The following TRIM72 variants were observed in gnomAD, a reference collection of about 807,000 sequenced individuals.
TRIM72 encodes the protein tripartite motif containing 72.
A neutral mutation model predicts 31.6 loss-of-function variants in TRIM72; 33 were observed. That is an observed-to-expected ratio of 1.04 (90% CI 0.79 to 1.40). The LOEUF is 1.40. TRIM72 is among the 40% of genes most tolerant of loss of function. TRIM72 has a pLI of 0.00. For missense variants in TRIM72, 666 were observed against 682.7 expected (o/e 0.98, Z 0.27); for synonymous variants, 301 against 314.4 (o/e 0.96, Z 0.45).
rs1210189535 is a variant in TRIM72, at chr16:31,227,460, C to T, written c.*2705C>T. On this transcript the variant is annotated 3_prime_UTR_variant, in exon 7 of 7. Transcript: ENST00000322122. ...TGCAGTGGTGTGATCACCGTAACCT[C>T]CGCCTCCTAGGTTCAAGGGATTCTC... The T allele has an allele frequency of 6.6e-6, 1 of 150,756 alleles. No individual in the cohort carries two copies. Among genetic ancestry groups the T allele is most frequent in the East Asian group, 2.0e-4 (1 of 5,090 alleles). 9.3% of individuals were successfully genotyped at this position (150,756 alleles called of 1,614,324 possible). A position where few individuals can be genotyped will look rare whatever the true frequency, so the allele number is the denominator to read the frequency against.
intron 5 of TRIM72, 21 bp from the exon 6 acceptor site, chr16:31,222,806 C>T (rs1189956112): frequency 2.5e-6 from 2 of 786,808 alleles, no homozygotes; most frequent in Non-Finnish European, 4.0e-6. Context: ...ACATGCCTCC[C>T]CTTCCCCTCC....
rs67787720 is a variant in TRIM72, at chr16:31,225,189, TC to T, written c.*435del. On this transcript the variant is annotated 3_prime_UTR_variant, in exon 7 of 7. Coordinates refer to ENST00000322122, the MANE Select transcript of TRIM72 (RefSeq NM_001008274.4). ...TGGGTGACAAGAGTGAGACTCTGTC[TC>T]AAAAAAAAAAAAAAGTGTGGGGGTT... is the stretch of plus-strand genomic sequence containing the variant. 0.91 allele frequency: 131,594 copies of T among 145,398 alleles called. 60,679 individuals carry two copies. Among genetic ancestry groups the T allele is most frequent in the East Asian group, 1 (5,003 of 5,026 alleles). The allele number at this position is 145,398 out of a possible 1,614,324, so 9.0% of individuals were successfully genotyped here. A position where few individuals can be genotyped will look rare whatever the true frequency, so the allele number is the denominator to read the frequency against.
At chr16:31,217,244 T>A in intron 2 of TRIM72, 1 of 579,016 alleles carries the variant, frequency 1.7e-6, no homozygotes, top group East Asian at 2.8e-5. Flanking sequence ...CGCCAAATTG[T>A]TGAGGTGGGG....
chr16:31,215,143 C>A lies in TRIM72; in HGVS notation c.390+15C>A. 7.0e-7 allele frequency: 1 copy of A among 1,430,448 alleles called. No homozygotes were observed. Among genetic ancestry groups the A allele is most frequent in the Non-Finnish European group, 9.1e-7 (1 of 1,100,718 alleles). The allele number at this position is 1,430,448 out of a possible 1,614,324, so 88.6% of individuals were successfully genotyped here. A position where few individuals can be genotyped will look rare whatever the true frequency, so the allele number is the denominator to read the frequency against. ...CACGCCTCAAGGTGCGGGATCCGCGCGCATCGTGGTCGGAGGGGCTGTTCG... is the reference window on the plus strand; with the variant it reads ...CACGCCTCAAGGTGCGGGATCCGCGAGCATCGTGGTCGGAGGGGCTGTTCG... On this transcript the variant is annotated intron_variant, in intron 2 of 6. Transcript: ENST00000322122. This position sits in a 1 kb window ranked among gnomAD's most constrained non-coding sequence, Gnocchi z 6.3.
At position 31,219,318 on chromosome 16, in the gene TRIM72, G is replaced by A. The variant is rs150176391; in HGVS notation, c.516G>A (p.Val172=). 1.9e-6 allele frequency: 3 copies of A among 1,614,156 alleles called. No individual in the cohort carries two copies. In the East Asian group the frequency reaches 6.7e-5, roughly 36 times the overall value. The part of the protein sequence containing the change: ...EETVRQFRGA[V]GEQLGKMRVF... Reference sequence around the variant, plus strand: ...CAGTGCGTCAGTTCCGGGGGGCCGTGGGGGAGCAGCTGGGCAAGATGCGGG... The same window carrying A: ...CAGTGCGTCAGTTCCGGGGGGCCGTAGGGGAGCAGCTGGGCAAGATGCGGG... Residue 172 remains valine, a synonymous_variant, in exon 4 of 7, where the codon GTG becomes GTA. Coordinates refer to ENST00000322122, the MANE Select transcript of TRIM72 (RefSeq NM_001008274.4). This position sits in a 1 kb window ranked among gnomAD's most constrained non-coding sequence, Gnocchi z 4.2.
chr16:31,222,955 G>A lies in TRIM72; in HGVS notation c.859+10G>A. 2 of 1,583,916 alleles carry A rather than the reference G, an allele frequency of 1.3e-6. No homozygotes were observed. Among genetic ancestry groups the A allele is most frequent in the Non-Finnish European group, 1.7e-6 (2 of 1,164,852 alleles). ...CGGGCTCTGATGCCAGGTACCGGGAGGGACTGGCTCAGGTTTGTGTGTGAC... is the reference window on the plus strand; with the variant it reads ...CGGGCTCTGATGCCAGGTACCGGGAAGGACTGGCTCAGGTTTGTGTGTGAC... On this transcript the variant is annotated intron_variant, in intron 6 of 6. Coordinates refer to ENST00000322122, the MANE Select transcript of TRIM72 (RefSeq NM_001008274.4).
Position 31,224,681 on chromosome 16 carries a change from G to A in TRIM72, c.1360G>A (p.Asp454Asn), listed in dbSNP as rs768038436. The part of the protein sequence containing the change: ...RLPRPVYPFF[D>N]VCWHDKGKNA... ...GCCCAGGCCCGTGTACCCCTTCTTC[G>A]ACGTGTGCTGGCACGACAAGGGCAA... Residue 454 changes from aspartate to asparagine, a missense_variant, in exon 7 of 7, where the codon GAC becomes AAC. Asp to Asn is a conservative substitution (Grantham distance 23, BLOSUM62 1). Coordinates refer to ENST00000322122, the MANE Select transcript of TRIM72 (RefSeq NM_001008274.4). The A allele has an allele frequency of 2.1e-5, 33 of 1,549,614 alleles. No individual in the cohort carries two copies. The South Asian group carries it at 3.8e-4, about 18-fold the overall frequency.
In TRIM72 at chr16:31,214,826, G is replaced by T. The variant is rs2079499264; in HGVS notation, c.88G>T (p.Gly30Cys). The change falls in exon 2 of 7, where the codon GGC becomes TGC. Residue 30 changes from glycine to cysteine, a missense_variant. Physicochemically the swap from Gly to Cys is radical, Grantham distance 159. Transcript: ENST00000322122. ...CGACGCGCCCGTGACAGCCGAGTGC[G>T]GCCACAGTTTCTGCCGCGCCTGCCT... ...LFDAPVTAECGHSFCRACLGR... is the reference protein window; with the variant it reads ...LFDAPVTAECCHSFCRACLGR... 7 of 1,562,678 alleles carry T rather than the reference G, an allele frequency of 4.5e-6. No individual in the cohort carries two copies. The highest frequency in any genetic ancestry group is 1.4e-5 in the African/African-American group (1 of 72,156).
chr16:31,223,683 C>T (rs2079543161), intron 6 of TRIM72, among the ~76,000 whole-genome samples: 1 of 152,056 alleles, frequency 6.6e-6, no homozygotes, highest in Admixed American at 6.6e-5. Context: ...GTGGGAGGAT[C>T]ACTTGAGCCC....
chr16:31,220,579 G>A (rs1349749071), intron 4 of TRIM72, among the ~76,000 whole-genome samples: 2 of 133,820 alleles, frequency 1.5e-5, no homozygotes, highest in South Asian at 2.3e-4. Context: ...AGTGATTTTC[G>A]TGGCTCAGCC....
intron 5 of TRIM72, among the ~76,000 whole-genome samples, chr16:31,222,482 C>CT (rs3060409): frequency 1.1e-4 from 13 of 117,962 alleles, no homozygotes; most frequent in African/African-American, 3.1e-4. Flanking sequence ...TCTTCTTCTT[C>CT]TTTTTTTTTT....
rs1417501127 is a variant in TRIM72, at chr16:31,224,614, C to G, written c.1293C>G (p.Asp431Glu). ...TCCTCTCCTTCTACGATGCCAGCGA[C>G]GCCGACGCGCTCGTGCCGCTTTTTG... is the stretch of plus-strand genomic sequence containing the variant. ...DGVLSFYDAS[D>E]ADALVPLFAF... The change falls in exon 7 of 7, where the codon GAC becomes GAG. Residue 431 changes from aspartate to glutamate, a missense_variant. Asp to Glu is a conservative substitution (Grantham distance 45). Transcript: ENST00000322122. 5 of 1,552,350 alleles carry G rather than the reference C, an allele frequency of 3.2e-6. No individual in the cohort carries two copies. Among genetic ancestry groups the G allele is most frequent in the Non-Finnish European group, 4.3e-6 (5 of 1,154,800 alleles).
In TRIM72 at chr16:31,215,669, A is replaced by G. The variant is rs182724714; in HGVS notation, c.390+541A>G. Among the ~76,000 whole-genome samples, 297 of 152,322 alleles carry G rather than the reference A, an allele frequency of 1.9e-3. No individual in the cohort carries two copies. The highest frequency in any genetic ancestry group is 3.5e-3 in the Non-Finnish European group (241 of 68,010). On this transcript the variant is annotated intron_variant, in intron 2 of 6. Coordinates refer to ENST00000322122, the MANE Select transcript of TRIM72 (RefSeq NM_001008274.4). The surrounding 1 kb of genome is among the most constrained non-coding windows in gnomAD (Gnocchi z 6.3). ...AACTTGGGCTGGCCTGACGGTCCCC[A>G]GGCGGGGCCTCACCAGAAGGGAGAC...
chr16:31,222,785 T>TTCCCCC, intron 5 of TRIM72, 42 bp from the exon 6 acceptor site: 4 of 447,446 alleles, frequency 8.9e-6, no homozygotes, highest in South Asian at 2.4e-5. Flanking sequence ...GCCCTTGTCC[T>TTCCCCC]CCCCCCTCAC....
At chr16:31,222,054 C>T (rs1258691072) in intron 5 of TRIM72, among the ~76,000 whole-genome samples, 2 of 152,056 alleles carry the variant, frequency 1.3e-5, no homozygotes, top group African/African-American at 2.4e-5. Flanking sequence ...TGCACACTGG[C>T]GAAGCTGAGA....
At position 31,219,158 on chromosome 16, in the gene TRIM72, G is replaced by A. The variant is rs2079522486; in HGVS notation, c.454G>A (p.Ala152Thr). 3 of 1,610,136 alleles carry A rather than the reference G, an allele frequency of 1.9e-6. No homozygotes were observed. The highest frequency in any genetic ancestry group is 2.5e-6 in the Non-Finnish European group (3 of 1,178,304). The stretch of plus-strand genomic sequence containing the variant: ...ATGCATGCGCAAGGAGAAGAGTGTG[G>A]CTGTGCTGGAGCATCAGCTGGTGGA... ...EACMRKEKSV[A>T]VLEHQLVEVE... The change falls in exon 3 of 7, where the codon GCT (alanine) becomes ACT (threonine). Residue 152 changes from alanine (A) to threonine (T), a missense_variant. Physicochemically the swap from Ala to Thr is moderately conservative, Grantham distance 58. Transcript: ENST00000322122. This position sits in a 1 kb window ranked among gnomAD's most constrained non-coding sequence, Gnocchi z 4.2.
chr16:31,214,676 C>A, intron 1 of TRIM72, 56 bp from the exon 2 acceptor site: 1 of 1,427,788 alleles, frequency 7.0e-7, no homozygotes, highest in Non-Finnish European at 9.1e-7. Flanking sequence ...TGGGCCAGGG[C>A]TGGGCCGGGA....
chr16:31,231,529 T>C lies in TRIM72; in HGVS notation c.*6774T>C, dbSNP rs1267640536. On this transcript the variant is annotated 3_prime_UTR_variant, in exon 7 of 7. Coordinates refer to ENST00000322122, the MANE Select transcript of TRIM72 (RefSeq NM_001008274.4). Reference sequence around the variant, plus strand: ...TGTCACGTTCCCATTAAAACAAACATAGAGTACAGAATCTGTGTGAATTTT... The same window carrying C: ...TGTCACGTTCCCATTAAAACAAACACAGAGTACAGAATCTGTGTGAATTTT... 2.6e-5 allele frequency: 4 copies of C among 152,092 alleles called. No individual in the cohort carries two copies. In the East Asian group the frequency reaches 7.7e-4, roughly 29 times the overall value. The allele number at this position is 152,092 out of a possible 1,614,324, so 9.4% of individuals were successfully genotyped here.
rs746246758 is a variant in TRIM72, at chr16:31,214,856, C to A, written c.118C>A (p.Arg40Ser). 36 of 1,540,120 alleles carry A rather than the reference C, an allele frequency of 2.3e-5. No homozygotes were observed. The highest frequency in any genetic ancestry group is 2.7e-5 in the Non-Finnish European group (31 of 1,152,342). ...CAGTTTCTGCCGCGCCTGCCTAGGCCGCGTGGCCGGGGAGCCGGCGGCGGA... is the reference window on the plus strand; with the variant it reads ...CAGTTTCTGCCGCGCCTGCCTAGGCAGCGTGGCCGGGGAGCCGGCGGCGGA... The part of the protein sequence containing the change: ...GHSFCRACLG[R>S]VAGEPAADGT... Residue 40 changes from arginine (R) to serine (S), a missense_variant, in exon 2 of 7, where the codon CGC becomes AGC. Coordinates refer to ENST00000322122, the MANE Select transcript of TRIM72 (RefSeq NM_001008274.4).
Sources: allele counts gnomAD v4.1 joint callset (sites outside exome capture counted in the v4.1 genomes callset), GRCh38; gene constraint gnomAD v4.1.1; non-coding constraint Gnocchi (gnomAD v3.1); transcripts MANE v1.5; gene names NCBI Gene and HGNC (gene_info 2026-07-23, HGNC 2026-07-21).